MARCHF1: variants seen among roughly 807,000 people sequenced by gnomAD.
MARCHF1 encodes E3 ubiquitin-protein ligase MARCHF1.
Under a neutral mutation model 54.2 loss-of-function variants are expected in MARCHF1, and 40 were observed. The ratio of observed to expected loss-of-function variants is 0.74; its 90% confidence interval spans 0.57 to 0.96. MARCHF1 has a LOEUF of 0.96. MARCHF1 is among the 40% of genes least tolerant of loss of function. The pLI is 0.00. For missense variants in MARCHF1, 586 were observed against 656.5 expected (o/e 0.89, Z 1.17); for synonymous variants, 236 against 236.3 (o/e 1.00, Z 0.01).
intron 4 of MARCHF1, among the ~76,000 whole-genome samples, chr4:163,785,243 GA>G (rs1216765987): frequency 6.6e-6 from 1 of 151,916 alleles, no homozygotes; most frequent in Non-Finnish European, 1.5e-5. Flanking sequence ...TAGTCACAAA[GA>G]AAAAAATGAC....
rs74518730 is a variant in MARCHF1, at chr4:163,861,891, A to G, written c.-38-7722T>C. On this transcript the variant is annotated intron_variant, in intron 3 of 9. Transcript: ENST00000514618. ...AAAAAAGTAAATATATAAGACAATA[A>G]AACAGAGATTTTAGAAATAGACTCA... 6.5e-3 allele frequency among the ~76,000 whole-genome samples: 985 copies of G among 152,212 alleles called. 8 individuals are homozygous for G. Among genetic ancestry groups the G allele is most frequent in the East Asian group, 0.02 (102 of 5,194 alleles).
At chr4:163,625,341 G>A (rs2110971822) in intron 5 of MARCHF1, among the ~76,000 whole-genome samples, 1 of 152,202 alleles carries the variant, frequency 6.6e-6, no homozygotes, top group East Asian at 1.9e-4. Context: ...TTGCCACAAT[G>A]TTTTATAGTT....
intron 4 of MARCHF1, among the ~76,000 whole-genome samples, chr4:163,755,702 C>G (rs1362926260): frequency 1.3e-5 from 2 of 151,332 alleles, no homozygotes; most frequent in African/African-American, 2.4e-5. Context: ...AAGAAGATCA[C>G]CAAAATAAGT....
intron 1 of MARCHF1, among the ~76,000 whole-genome samples, chr4:164,260,625 T>C (rs1054428967): frequency 1.3e-5 from 2 of 152,236 alleles, no homozygotes; most frequent in African/African-American, 4.8e-5. Context: ...TTGAACTATT[T>C]TCTGTCATTC....
chr4:163,550,211 G>A (rs757319759), intron 8 of MARCHF1, among the ~76,000 whole-genome samples: 3 of 150,930 alleles, frequency 2.0e-5, no homozygotes, highest in Admixed American at 6.6e-5. Flanking sequence ...CAACCCGGGA[G>A]GCAGAGATTG....
chr4:163,609,842 G>A (rs959218545), intron 7 of MARCHF1, among the ~76,000 whole-genome samples: 1 of 151,796 alleles, frequency 6.6e-6, no homozygotes, highest in African/African-American at 2.4e-5. Context: ...AGCCTCTTTG[G>A]AACTCAAGAG....
At chr4:163,777,786 C>A (rs1037224633) in intron 4 of MARCHF1, among the ~76,000 whole-genome samples, 2 of 152,062 alleles carry the variant, frequency 1.3e-5, no homozygotes, top group Non-Finnish European at 2.9e-5. Context: ...AATTTACATA[C>A]AATAAAATTG....
chr4:163,901,731 T>A (rs1750945460), intron 3 of MARCHF1, among the ~76,000 whole-genome samples: 1 of 152,194 alleles, frequency 6.6e-6, no homozygotes, highest in Non-Finnish European at 1.5e-5. Context: ...CTATTGCAGA[T>A]ATTCAGAGTT....
intron 9 of MARCHF1, among the ~76,000 whole-genome samples, chr4:163,535,906 T>C (rs1233757063): frequency 6.6e-6 from 1 of 152,072 alleles, no homozygotes. Flanking sequence ...GAGACATTGT[T>C]GATTGTTGTA....
intron 1 of MARCHF1, among the ~76,000 whole-genome samples, chr4:164,338,238 C>A (rs1235976420): frequency 6.6e-6 from 1 of 151,642 alleles, no homozygotes; most frequent in Non-Finnish European, 1.5e-5. Context: ...TTTACAAAAT[C>A]CTCATGGAAA....
At chr4:164,226,900 T>C (rs1732273762) in intron 1 of MARCHF1, among the ~76,000 whole-genome samples, 1 of 152,136 alleles carries the variant, frequency 6.6e-6, no homozygotes, top group South Asian at 2.1e-4. Context: ...ATGCAGGTTT[T>C]ATTGCAATAC....
intron 1 of MARCHF1, among the ~76,000 whole-genome samples, chr4:164,289,950 CTA>C (rs1201759965): frequency 2.0e-5 from 3 of 151,824 alleles, no homozygotes; most frequent in Non-Finnish European, 2.9e-5. Context: ...CTTAATTATT[CTA>C]TGTCTTCATG....
intron 4 of MARCHF1, among the ~76,000 whole-genome samples, chr4:163,703,204 G>A (rs1257166427): frequency 2.6e-5 from 4 of 151,912 alleles, no homozygotes; most frequent in African/African-American, 7.3e-5. Flanking sequence ...AAAAATCATG[G>A]TGATCATCAT....
intron 2 of MARCHF1, among the ~76,000 whole-genome samples, chr4:164,083,289 G>GT (rs36098843): frequency 0.18 from 27,550 of 150,616 alleles, 3,137 homozygotes; most frequent in Non-Finnish European, 0.26. Context: ...TTACTGAAAG[G>GT]TTTTTTTTTC....
chr4:164,018,506 T>G (rs1753593790), intron 2 of MARCHF1, among the ~76,000 whole-genome samples: 1 of 152,018 alleles, frequency 6.6e-6, no homozygotes. Context: ...CAATCTAATA[T>G]AAAATTGGCA....
At chr4:163,855,953 G>A (rs978920444) in intron 3 of MARCHF1, among the ~76,000 whole-genome samples, 4 of 152,140 alleles carry the variant, frequency 2.6e-5, no homozygotes, top group Non-Finnish European at 5.9e-5. Context: ...CATTTTTGAT[G>A]TGATTTGGGT....
chr4:164,081,131 C>T (rs1755088380), intron 2 of MARCHF1, among the ~76,000 whole-genome samples: 2 of 127,938 alleles, frequency 1.6e-5, no homozygotes, highest in South Asian at 5.6e-4. Context: ...TGGCGTGAAC[C>T]CAGGAGGCGG....
chr4:164,087,616 C>T (rs1755217056), intron 2 of MARCHF1, among the ~76,000 whole-genome samples: 2 of 152,102 alleles, frequency 1.3e-5, no homozygotes, highest in South Asian at 4.1e-4. Context: ...GATGAATGTA[C>T]TCTGTTCACA....
At chr4:164,097,599 G>T (rs570359790) in intron 2 of MARCHF1, among the ~76,000 whole-genome samples, 81 of 152,062 alleles carry the variant, frequency 5.3e-4, no homozygotes, top group Non-Finnish European at 9.4e-4. Flanking sequence ...TTGATTGCTT[G>T]GGTAATCCTC....
Sources: allele counts gnomAD v4.1 joint callset (sites outside exome capture counted in the v4.1 genomes callset), GRCh38; gene constraint gnomAD v4.1.1; transcripts MANE v1.5; gene names NCBI Gene and HGNC (gene_info 2026-07-23, HGNC 2026-07-21).